Variants in NHSL1 observed in about 807,000 individuals in gnomAD.
NHSL1 encodes the protein NHS-like protein 1.
A neutral mutation model predicts 95.0 loss-of-function variants in NHSL1; 48 were observed. The observed-to-expected ratio is 0.51, with a 90% CI of 0.40 to 0.64. The LOEUF (loss-of-function observed/expected upper bound fraction) is 0.64, where lower values mean the gene tolerates loss of function less well. Ranked by LOEUF, NHSL1 falls within the 30% of genes least tolerant of loss-of-function variation. The pLI, the probability that NHSL1 is intolerant of heterozygous loss-of-function variation, is 0.00. For missense variants in NHSL1, 1,971 were observed against 2,077.7 expected, an observed-to-expected ratio of 0.95 and a Z score of 1.00; for synonymous variants, 783 against 833.9, an observed-to-expected ratio of 0.94 and a Z score of 1.05.
intron 1 of NHSL1, among the ~76,000 whole-genome samples, chr6:138,668,368 G>C (rs1785321323): frequency 6.6e-6 from 1 of 152,014 alleles, no homozygotes; most frequent in Non-Finnish European, 1.5e-5. Context: ...GCTTGAACCT[G>C]GGAGGCGGAG....
intron 1 of NHSL1, among the ~76,000 whole-genome samples, chr6:138,524,882 T>A (rs1781835157): frequency 6.6e-6 from 1 of 152,204 alleles, no homozygotes; most frequent in African/African-American, 2.4e-5. Flanking sequence ...TTCTTAAACA[T>A]CAGAAATAAA....
At chr6:138,529,873 G>A (rs1292526200) in intron 1 of NHSL1, among the ~76,000 whole-genome samples, 1 of 152,200 alleles carries the variant, frequency 6.6e-6, no homozygotes, top group Non-Finnish European at 1.5e-5. Context: ...AATGACATCT[G>A]AAAAGTCCCT....
chr6:138,462,401 CAA>C (rs1341261977), intron 3 of NHSL1, among the ~76,000 whole-genome samples: 5 of 152,272 alleles, frequency 3.3e-5, no homozygotes, highest in African/African-American at 9.6e-5. Flanking sequence ...CCAATCCCAT[CAA>C]GAGAGAGAGG....
At chr6:138,625,412 A>T (rs1784723444) in intron 1 of NHSL1, among the ~76,000 whole-genome samples, 1 of 151,878 alleles carries the variant, frequency 6.6e-6, no homozygotes, top group African/African-American at 2.4e-5. Context: ...CAAAGTGTGA[A>T]CTGTTAATTT....
At chr6:138,513,457 A>C (rs1781321470) in intron 1 of NHSL1, among the ~76,000 whole-genome samples, 1 of 152,004 alleles carries the variant, frequency 6.6e-6, no homozygotes, top group Non-Finnish European at 1.5e-5. Context: ...ACAGTCTCCA[A>C]CTCCTGTGCT....
intron 3 of NHSL1, among the ~76,000 whole-genome samples, chr6:138,466,044 G>GGGA (rs1334797953): frequency 7.1e-6 from 1 of 141,138 alleles, no homozygotes; most frequent in Non-Finnish European, 1.5e-5. Flanking sequence ...TCCTTTTTGG[G>GGGA]GGGGGGGCAG....
intron 1 of NHSL1, among the ~76,000 whole-genome samples, chr6:138,585,885 A>G (rs1447442585): frequency 1.3e-5 from 2 of 151,772 alleles, no homozygotes; most frequent in Non-Finnish European, 2.9e-5. Flanking sequence ...TCTACAAAAA[A>G]AAAAAAAACT....
chr6:138,538,705 A>G (rs932924397), intron 1 of NHSL1, among the ~76,000 whole-genome samples: 1 of 152,242 alleles, frequency 6.6e-6, no homozygotes, highest in African/African-American at 2.4e-5. Context: ...TCTTGTGGTC[A>G]GCAAAGCCGA....
chr6:138,662,550 A>G (rs1785240183), intron 1 of NHSL1, among the ~76,000 whole-genome samples: 1 of 152,208 alleles, frequency 6.6e-6, no homozygotes, highest in Non-Finnish European at 1.5e-5. Context: ...TACATATCGT[A>G]TTATGGCTCC....
chr6:138,525,053 G>A (rs1354103057), intron 1 of NHSL1, among the ~76,000 whole-genome samples: 1 of 152,094 alleles, frequency 6.6e-6, no homozygotes, highest in African/African-American at 2.4e-5. Flanking sequence ...GAGCAGCTTT[G>A]GCCCACCATG....
chr6:138,581,825 A>G (rs1187914768), intron 1 of NHSL1, among the ~76,000 whole-genome samples: 1 of 150,672 alleles, frequency 6.6e-6, no homozygotes, highest in East Asian at 2.0e-4. Flanking sequence ...TGAATCTTGT[A>G]GTCTACTCTG....
intron 2 of NHSL1, among the ~76,000 whole-genome samples, chr6:138,479,683 G>A (rs1310657017): frequency 3.3e-5 from 5 of 152,210 alleles, no homozygotes; most frequent in Admixed American, 6.5e-5. Flanking sequence ...TATGGAAAGT[G>A]AAACCACAAA....
At chr6:138,689,644 T>C (rs1409884175) in intron 1 of NHSL1, among the ~76,000 whole-genome samples, 1 of 152,218 alleles carries the variant, frequency 6.6e-6, no homozygotes, top group East Asian at 1.9e-4. Context: ...TAGAGGCTTT[T>C]GGTAAACTGC....
chr6:138,490,761 A>T (rs3934274), intron 2 of NHSL1, among the ~76,000 whole-genome samples: 149,715 of 152,222 alleles, frequency 0.98, 73,642 homozygotes, highest in Middle Eastern at 1. Context: ...GCCTCCTGAG[A>T]AGGCTGGGAC....
intron 2 of NHSL1, among the ~76,000 whole-genome samples, chr6:138,483,689 C>G (rs1190191545): frequency 6.6e-6 from 1 of 152,142 alleles, no homozygotes; most frequent in Non-Finnish European, 1.5e-5. Flanking sequence ...GGATCCATTT[C>G]AAACTAATGA....
chr6:138,610,554 T>C (rs990274853), intron 1 of NHSL1, among the ~76,000 whole-genome samples: 5 of 119,128 alleles, frequency 4.2e-5, no homozygotes, highest in Non-Finnish European at 8.5e-5. Context: ...AAAAAATATA[T>C]ATATATTATA....
chr6:138,508,500 G>A (rs1781071620), intron 1 of NHSL1, among the ~76,000 whole-genome samples: 1 of 152,212 alleles, frequency 6.6e-6, no homozygotes. Context: ...TTACAAATAA[G>A]TGACCTGCAG....
rs544537369 is a variant in NHSL1 at position 138,532,984 on chromosome 6, T to C, written c.16+12639A>G. 3.9e-5 allele frequency among the ~76,000 whole-genome samples: 6 copies of C among 152,262 alleles called. No homozygotes were observed. The South Asian group carries it at 1.0e-3, about 26-fold the overall frequency. ...AATAAAGGGGAAGGAATGAAGTCCT[T>C]ACGGTAGCTAAGCACTTAATTACTC... On this transcript the variant is annotated intron_variant, in intron 1 of 4. Coordinates refer to the NHSL1 transcript ENST00000342260.
intron 1 of NHSL1, among the ~76,000 whole-genome samples, chr6:138,670,873 G>A (rs1205539456): frequency 9.9e-5 from 15 of 152,018 alleles, no homozygotes; most frequent in Admixed American, 9.8e-4. Context: ...GGACCAGATA[G>A]GCCAAGCACA....
Sources: allele counts gnomAD v4.1 joint callset (sites outside exome capture counted in the v4.1 genomes callset), GRCh38; gene constraint gnomAD v4.1.1; transcripts MANE v1.5; gene names NCBI Gene and HGNC (gene_info 2026-07-23, HGNC 2026-07-21).